Variants in AGAP1 observed in about 807,000 individuals in gnomAD.
AGAP1 encodes ArfGAP with GTPase domain, ankyrin repeat and PH domain 1.
Under a neutral mutation model 105.3 loss-of-function variants are expected in AGAP1, and 29 were observed. The observed-to-expected ratio is 0.28, with a 90% CI of 0.21 to 0.38. AGAP1 has a LOEUF of 0.38. Ranked by LOEUF, AGAP1 falls within the 10% of genes least tolerant of loss-of-function variation. The pLI is 1.00. For missense variants in AGAP1, 998 were observed against 1,165.1 expected (o/e 0.86, Z 2.09); for synonymous variants, 509 against 485.9 (o/e 1.05, Z -0.63).
intron 14 of AGAP1, among the ~76,000 whole-genome samples, chr2:236,039,173 G>A (rs1040019446): frequency 2.0e-5 from 3 of 152,154 alleles, no homozygotes; most frequent in East Asian, 1.9e-4. Flanking sequence ...AGCCAGACAC[G>A]ATGGTTCACG....
intron 1 of AGAP1, among the ~76,000 whole-genome samples, chr2:235,518,707 A>G (rs758242835): frequency 5.3e-5 from 8 of 152,212 alleles, no homozygotes; most frequent in Non-Finnish European, 7.3e-5. Flanking sequence ...CACACAAACA[A>G]AAAAAATTAA....
rs991355231 is a variant in AGAP1 at position 235,578,033 on chromosome 2, C to T, written c.163+83184C>T. Among the ~76,000 whole-genome samples, 6 of 152,238 alleles carry T rather than the reference C, an allele frequency of 3.9e-5. No homozygotes were observed. Among genetic ancestry groups the T allele is most frequent in the South Asian group, 2.1e-4 (1 of 4,824 alleles). On this transcript the variant is annotated intron_variant, in intron 1 of 17. Transcript: ENST00000304032. The surrounding 1 kb of genome is among the most constrained non-coding windows in gnomAD (Gnocchi z 4.9). ...TGGTCCCGCCATCAGGACTTCCCCT[C>T]GTGAGGAGCTGGGTACCACTGTTAT...
chr2:235,506,698 T>C lies in AGAP1; in HGVS notation c.163+11849T>C, dbSNP rs76603796. 9.2e-3 allele frequency among the ~76,000 whole-genome samples: 1,395 copies of C among 152,288 alleles called. 22 individuals carry two copies. Among genetic ancestry groups the C allele is most frequent in the East Asian group, 0.066 (340 of 5,180 alleles). On this transcript the variant is annotated intron_variant, in intron 1 of 17. Transcript: ENST00000304032. The stretch of plus-strand genomic sequence containing the variant: ...GGAGCCACCGGAAGCCGGGTCTGTA[T>C]GGGCAGGGCCAGTGAGATGCAAAGC...
At position 235,905,969 on chromosome 2, in the gene AGAP1, G is replaced by A. The variant is rs909988679; in HGVS notation, c.1156-2769G>A. The stretch of plus-strand genomic sequence containing the variant: ...AGTTGATTATGTTTTGTGGAGTCCA[G>A]CATCTCAACTTCCAAGTGGAATCCC... On this transcript the variant is annotated intron_variant, in intron 10 of 17. Coordinates refer to ENST00000304032, the MANE Select transcript of AGAP1 (RefSeq NM_001037131.3). This position sits in a 1 kb window ranked among gnomAD's most constrained non-coding sequence, Gnocchi z 4.2. Among the ~76,000 whole-genome samples the A allele has an allele frequency of 2.6e-5, 4 of 152,194 alleles. No homozygotes were observed. Among genetic ancestry groups the A allele is most frequent in the Non-Finnish European group, 4.4e-5 (3 of 68,046 alleles).
rs568827728 is a variant in AGAP1, at chr2:235,833,439, A to G, written c.1050+26108A>G. Among the ~76,000 whole-genome samples the G allele has an allele frequency of 2.6e-5, 4 of 152,294 alleles. No homozygotes were observed. The East Asian group carries it at 5.8e-4, about 22-fold the overall frequency. The stretch of plus-strand genomic sequence containing the variant: ...CTCCAGGATGAAAGTGGTTATCCCC[A>G]TAGTTTGCACCCCTGTTCAAGTTCA... On this transcript the variant is annotated intron_variant, in intron 9 of 17. Coordinates refer to ENST00000304032, the MANE Select transcript of AGAP1 (RefSeq NM_001037131.3).
chr2:235,823,418 G>T (rs947095115), intron 9 of AGAP1, among the ~76,000 whole-genome samples: 1 of 152,036 alleles, frequency 6.6e-6, no homozygotes, highest in South Asian at 2.1e-4. Context: ...CTATGGGTGC[G>T]AGCCACCACG....
intron 11 of AGAP1, among the ~76,000 whole-genome samples, chr2:235,914,646 C>T (rs148706017): frequency 9.8e-4 from 150 of 152,312 alleles, no homozygotes; most frequent in African/African-American, 3.1e-3. Flanking sequence ...GGAAGAAACA[C>T]GCACTGTCAG....
chr2:236,066,543 A>G (rs564419092), intron 16 of AGAP1, among the ~76,000 whole-genome samples: 1 of 152,286 alleles, frequency 6.6e-6, no homozygotes, highest in South Asian at 2.1e-4. Flanking sequence ...TAGAATTTTG[A>G]ATACCTCATT....
intron 17 of AGAP1, among the ~76,000 whole-genome samples, chr2:236,122,108 A>G (rs1168815454): frequency 6.6e-6 from 1 of 151,754 alleles, no homozygotes; most frequent in Non-Finnish European, 1.5e-5. Flanking sequence ...TGCCACCCCC[A>G]TGAATGGCAG....
intron 6 of AGAP1, among the ~76,000 whole-genome samples, chr2:235,755,232 C>G (rs1365477794): frequency 1.3e-5 from 2 of 152,174 alleles, no homozygotes; most frequent in Non-Finnish European, 2.9e-5. Flanking sequence ...CTGCATGGCT[C>G]TGTTTGCCTC....
chr2:235,706,758 C>T (rs1001218413), intron 1 of AGAP1, among the ~76,000 whole-genome samples: 6 of 152,134 alleles, frequency 3.9e-5, no homozygotes, highest in Admixed American at 1.3e-4. Context: ...AACAGAGTGA[C>T]GTTCTGAGAA....
rs751471675 is a variant in AGAP1 at position 235,977,621 on chromosome 2, G to A, written c.1645+8998G>A. ...TGGGCTTCAGGAAGTAGAGATGCCC[G>A]GGGGTTATATTTTCAGATGTTCTAG... On this transcript the variant is annotated intron_variant, in intron 13 of 17. Coordinates refer to ENST00000304032, the MANE Select transcript of AGAP1 (RefSeq NM_001037131.3). The surrounding 1 kb of genome is among the most constrained non-coding windows in gnomAD (Gnocchi z 5.2). Among the ~76,000 whole-genome samples the A allele has an allele frequency of 2.6e-5, 4 of 152,076 alleles. No individual in the cohort carries two copies. Among genetic ancestry groups the A allele is most frequent in the African/African-American group, 7.2e-5 (3 of 41,404 alleles).
chr2:236,077,136 A>T (rs920030649), intron 16 of AGAP1, among the ~76,000 whole-genome samples: 20 of 144,374 alleles, frequency 1.4e-4, no homozygotes, highest in African/African-American at 4.2e-4. Flanking sequence ...GAAAAAAAAA[A>T]AAAAAAATAT....
rs2060022332 is a variant in AGAP1, at chr2:236,127,537, G to C, written c.*3415G>C. ...TTGCATTTCCTGCAGAGCCTCTAGT[G>C]CACAGGCCAGTTCTCGGCAGTGGCT... On this transcript the variant is annotated 3_prime_UTR_variant, in exon 18 of 18. Transcript: ENST00000304032. This position sits in a 1 kb window ranked among gnomAD's most constrained non-coding sequence, Gnocchi z 6.6. The C allele has an allele frequency of 6.6e-6, 1 of 152,224 alleles. No homozygotes were observed. Among genetic ancestry groups the C allele is most frequent in the Non-Finnish European group, 1.5e-5 (1 of 68,058 alleles). 9.4% of individuals were successfully genotyped at this position (152,224 alleles called of 1,614,324 possible). A position where few individuals can be genotyped will look rare whatever the true frequency, so the allele number is the denominator to read the frequency against.
chr2:235,783,872 A>G (rs1956435346), intron 6 of AGAP1, among the ~76,000 whole-genome samples: 1 of 152,188 alleles, frequency 6.6e-6, no homozygotes, highest in South Asian at 2.1e-4. Context: ...TAATCTCAAA[A>G]AAAGAACCTA....
In AGAP1 at chr2:235,505,954, G is replaced by A. The variant is rs1479105147; in HGVS notation, c.163+11105G>A. On this transcript the variant is annotated intron_variant, in intron 1 of 17. Coordinates refer to ENST00000304032, the MANE Select transcript of AGAP1 (RefSeq NM_001037131.3). ...CTTTTTTTTTTTTTTTTTTTAAGACGGAATCTTGCTCTGTCGCCCAGGCTG... is the reference window on the plus strand; with the variant it reads ...CTTTTTTTTTTTTTTTTTTTAAGACAGAATCTTGCTCTGTCGCCCAGGCTG... 1.7e-4 allele frequency among the ~76,000 whole-genome samples: 23 copies of A among 139,268 alleles called. No individual in the cohort carries two copies. The South Asian group carries it at 2.0e-3, about 12-fold the overall frequency. The allele number at this position is 139,268 out of a possible 152,430, so 91.4% of individuals were successfully genotyped here.
rs191304536 is a variant in AGAP1 at position 235,943,633 on chromosome 2, A to T, written c.1483+12710A>T. ...CCAAAGTGCTGGGATTACAGGCATG[A>T]GTCACCATGCCTGGCCACTTAAAAT... On this transcript the variant is annotated intron_variant, in intron 12 of 17. Transcript: ENST00000304032. Among the ~76,000 whole-genome samples the T allele has an allele frequency of 7.3e-3, 1,108 of 152,312 alleles. 8 individuals carry two copies. Among genetic ancestry groups the T allele is most frequent in the African/African-American group, 0.025 (1,055 of 41,572 alleles).
rs550937365 is a variant in AGAP1 at position 236,002,293 on chromosome 2, C to T, written c.1645+33670C>T. Among the ~76,000 whole-genome samples, 23 of 152,284 alleles carry T rather than the reference C, an allele frequency of 1.5e-4. No homozygotes were observed. Among genetic ancestry groups the T allele is most frequent in the South Asian group, 8.3e-4 (4 of 4,822 alleles). ...CCTGAGCCCAGGAGGCTCCTGGTCC[C>T]GTCCTGGAACAGCCGGTGACTCAAA... On this transcript the variant is annotated intron_variant, in intron 13 of 17. Transcript: ENST00000304032. The surrounding 1 kb of genome is among the most constrained non-coding windows in gnomAD (Gnocchi z 4.3).
Position 236,050,636 on chromosome 2 carries a change from CTT to C in AGAP1, c.2114+1356_2114+1357del. Among the ~76,000 whole-genome samples, 1 of 152,084 alleles carries C rather than the reference CTT, an allele frequency of 6.6e-6. No homozygotes were observed. Among genetic ancestry groups the C allele is most frequent in the South Asian group, 2.1e-4 (1 of 4,828 alleles). On this transcript the variant is annotated intron_variant, in intron 16 of 17. Transcript: ENST00000304032. This position sits in a 1 kb window ranked among gnomAD's most constrained non-coding sequence, Gnocchi z 4.0. ...CAGATAATGATAACATTGGAGGAAA[CTT>C]GGGTCTGAAAATGAAAAATGATTGG...
Sources: gnomAD v4.1 joint callset for allele counts (sites outside exome capture counted in the v4.1 genomes callset) on GRCh38, gnomAD v4.1.1 for gene constraint, Gnocchi (gnomAD v3.1) non-coding constraint, MANE v1.5 for transcripts, NCBI Gene and HGNC (gene_info 2026-07-23, HGNC 2026-07-21) for gene names.